Variants in EPB41L2 observed in about 807,000 individuals in gnomAD.
The protein encoded by EPB41L2 is band 4.1-like protein 2.
EPB41L2 carries 43 observed loss-of-function variants against 113.0 expected under a neutral mutation model. That is an observed-to-expected ratio of 0.38 (90% CI 0.30 to 0.49). The LOEUF (loss-of-function observed/expected upper bound fraction) is 0.49. Ranked by LOEUF, EPB41L2 falls within the 20% of genes least tolerant of loss-of-function variation. EPB41L2 has a pLI of 0.95. For missense variants in EPB41L2, 1,147 were observed against 1,223.4 expected, an observed-to-expected ratio of 0.94 and a Z score of 0.93; for synonymous variants, 442 against 436.7, an observed-to-expected ratio of 1.01 and a Z score of -0.15.
At chr6:130,909,543 A>G (rs73617128) in intron 4 of EPB41L2, among the ~76,000 whole-genome samples, 2,610 of 152,350 alleles carry the variant, frequency 0.017, 82 homozygotes, top group African/African-American at 0.058. Context: ...CAGGCCAATC[A>G]GGCAAGAGAA....
At chr6:130,943,621 T>C (rs774969249) in intron 3 of EPB41L2, among the ~76,000 whole-genome samples, 1 of 152,242 alleles carries the variant, frequency 6.6e-6, no homozygotes, top group African/African-American at 2.4e-5. Context: ...TCAAGTTTAA[T>C]GCTTTTAAAA....
At chr6:130,904,351 C>T in intron 6 of EPB41L2, 114 bp downstream of exon 6, 1 of 625,230 alleles carries the variant, frequency 1.6e-6, no homozygotes, top group Non-Finnish European at 2.6e-6. Context: ...ACTTCTAAAA[C>T]TTAAGAAAAA....
At chr6:130,927,812 G>T (rs907678261) in intron 3 of EPB41L2, among the ~76,000 whole-genome samples, 14 of 152,312 alleles carry the variant, frequency 9.2e-5, no homozygotes, top group Non-Finnish European at 1.8e-4. Context: ...GCAGTGTAAG[G>T]CCTGGCATGG....
At chr6:130,859,510 C>CAAA (rs780156217) in intron 18 of EPB41L2, among the ~76,000 whole-genome samples, 4 of 102,546 alleles carry the variant, frequency 3.9e-5, no homozygotes, top group South Asian at 3.1e-4. Context: ...GACTTTGTCT[C>CAAA]AAAAAAAAAA....
chr6:130,937,142 T>C (rs373144356), intron 3 of EPB41L2, among the ~76,000 whole-genome samples: 185 of 152,352 alleles, frequency 1.2e-3, no homozygotes, highest in African/African-American at 4.2e-3. Context: ...CATGTCGTTA[T>C]CACCCAAAGT....
At chr6:130,960,270 G>GTT (rs1818911557) in intron 1 of EPB41L2, among the ~76,000 whole-genome samples, 1 of 152,182 alleles carries the variant, frequency 6.6e-6, no homozygotes. Flanking sequence ...GTTCCTGCCA[G>GTT]TTAGTGAAAA....
intron 4 of EPB41L2, among the ~76,000 whole-genome samples, chr6:130,915,455 A>C (rs1800733044): frequency 1.3e-5 from 2 of 152,318 alleles, no homozygotes; most frequent in Admixed American, 1.3e-4. Flanking sequence ...TAGCAGAAAA[A>C]AACCTGGTTA....
rs866108196 is a variant in EPB41L2 at position 130,990,095 on chromosome 6, T to C, written c.-14-33596A>G. ...CTGCACTTTGGGAGGCCAAGGCAGG[T>C]GGATCACCTGAGGTCAGGAGTTTAA... On this transcript the variant is annotated intron_variant, in intron 1 of 19. Coordinates refer to ENST00000337057, the MANE Select transcript of EPB41L2 (RefSeq NM_001431.4). 9.9e-5 allele frequency among the ~76,000 whole-genome samples: 15 copies of C among 152,064 alleles called. No individual in the cohort carries two copies. The Middle Eastern group carries it at 0.01, about 103-fold the overall frequency.
At chr6:130,960,529 C>T (rs1046195421) in intron 1 of EPB41L2, among the ~76,000 whole-genome samples, 3 of 152,158 alleles carry the variant, frequency 2.0e-5, no homozygotes, top group African/African-American at 7.2e-5. Flanking sequence ...GTATTCACAA[C>T]ACCCATAAGG....
At chr6:130,918,978 A>C (rs1451627451) in intron 4 of EPB41L2, among the ~76,000 whole-genome samples, 1 of 152,202 alleles carries the variant, frequency 6.6e-6, no homozygotes, top group East Asian at 1.9e-4. Flanking sequence ...TGTTTTGCCT[A>C]GATGTCTTGA....
chr6:130,900,881 G>A, intron 7 of EPB41L2, 81 bp downstream of exon 7: 1 of 1,494,716 alleles, frequency 6.7e-7, no homozygotes. Context: ...TGTAAATCAT[G>A]CTCAAATGTC....
At chr6:131,021,827 G>A (rs79135568) in intron 1 of EPB41L2, among the ~76,000 whole-genome samples, 3,965 of 152,184 alleles carry the variant, frequency 0.026, 191 homozygotes, top group African/African-American at 0.091. Flanking sequence ...AGTTGGTAAG[G>A]ACGAACCCAG....
chr6:131,045,662 T>C lies in EPB41L2; in HGVS notation c.-15+17493A>G, dbSNP rs75187795. ...TTCAATGACATCCCAACAAATTTCA[T>C]GTTATTTATTTCAGCCCATTTTGTA... is the stretch of plus-strand genomic sequence containing the variant. On this transcript the variant is annotated intron_variant, in intron 1 of 19. Coordinates refer to ENST00000337057, the MANE Select transcript of EPB41L2 (RefSeq NM_001431.4). 0.012 allele frequency among the ~76,000 whole-genome samples: 1,805 copies of C among 152,262 alleles called. 199 individuals carry two copies. The East Asian group carries it at 0.28, about 23-fold the overall frequency.
At chr6:130,958,313 G>A (rs776400111) in intron 1 of EPB41L2, among the ~76,000 whole-genome samples, 59 of 151,978 alleles carry the variant, frequency 3.9e-4, no homozygotes, top group Admixed American at 7.9e-4. Flanking sequence ...TTAGCTGAGC[G>A]TGGTGGCACG....
intron 10 of EPB41L2, 149 bp downstream of exon 10, chr6:130,894,195 A>G (rs1045803641): frequency 6.4e-6 from 4 of 624,920 alleles, no homozygotes; most frequent in Non-Finnish European, 1.1e-5. Flanking sequence ...TCTTTCTTAG[A>G]AAAAAAGAGA....
chr6:130,977,298 G>A (rs1470821444), intron 1 of EPB41L2, among the ~76,000 whole-genome samples: 2 of 152,112 alleles, frequency 1.3e-5, no homozygotes, highest in Non-Finnish European at 2.9e-5. Context: ...CAATGTTCAT[G>A]TACCTCTACC....
chr6:131,009,961 G>A (rs988816412), intron 1 of EPB41L2, among the ~76,000 whole-genome samples: 1 of 152,202 alleles, frequency 6.6e-6, no homozygotes, highest in African/African-American at 2.4e-5. Context: ...AATCAGGCAT[G>A]TTCAATTTGC....
intron 15 of EPB41L2, 101 bp downstream of exon 15, chr6:130,869,462 G>C: frequency 9.1e-7 from 1 of 1,100,062 alleles, no homozygotes; most frequent in Non-Finnish European, 1.3e-6. Context: ...GATTCTTGTT[G>C]AAAAAAGCTG....
chr6:130,889,330 T>C (rs946731821), intron 11 of EPB41L2, among the ~76,000 whole-genome samples: 5 of 152,038 alleles, frequency 3.3e-5, no homozygotes, highest in African/African-American at 1.2e-4. Context: ...AGAAAACCTA[T>C]TATTAACCCA....
Sources: allele counts gnomAD v4.1 joint callset (sites outside exome capture counted in the v4.1 genomes callset), GRCh38; gene constraint gnomAD v4.1.1; transcripts MANE v1.5; gene names NCBI Gene and HGNC (gene_info 2026-07-23, HGNC 2026-07-21).